Variants in DIP2C observed in about 807,000 individuals in gnomAD.
The protein encoded by DIP2C is DIP2 acetate--CoA ligase C (putative).
In DIP2C, 33 loss-of-function variants were observed where a neutral mutation model predicts 192.4. That is an observed-to-expected ratio of 0.17 (90% CI 0.13 to 0.23). The LOEUF is 0.23. DIP2C is among the 10% of genes least tolerant of loss of function. The probability of loss-of-function intolerance (pLI) is 1.00; values close to 1 mark genes in which losing one functional copy is unlikely to be tolerated. For missense variants in DIP2C, 1,537 were observed against 2,110.1 expected (o/e 0.73, Z 5.32); for synonymous variants, 979 against 864.1 (o/e 1.13, Z -2.33).
intron 10 of DIP2C, among the ~76,000 whole-genome samples, chr10:395,721 G>A (rs1474692713): frequency 6.6e-6 from 1 of 152,202 alleles, no homozygotes; most frequent in Non-Finnish European, 1.5e-5. Context: ...TCTGAGAGGG[G>A]TTTTGGTGCT....
In DIP2C at chr10:511,772, A is replaced by G. The variant is rs184752217; in HGVS notation, c.86-25242T>C. On this transcript the variant is annotated intron_variant, in intron 1 of 36. Coordinates refer to ENST00000280886, the MANE Select transcript of DIP2C (RefSeq NM_014974.3). ...AGGAGCTAGAGAGAGACACAGACACACCCACAACCGCTTAAAAATCCTGAA... is the reference window on the plus strand; with the variant it reads ...AGGAGCTAGAGAGAGACACAGACACGCCCACAACCGCTTAAAAATCCTGAA... 6.9e-4 allele frequency among the ~76,000 whole-genome samples: 105 copies of G among 152,304 alleles called. 1 individual carries two copies. The highest frequency in any genetic ancestry group is 2.2e-3 in the African/African-American group (91 of 41,558).
At chr10:397,292 G>A (rs1964062618) in intron 10 of DIP2C, among the ~76,000 whole-genome samples, 5 of 152,172 alleles carry the variant, frequency 3.3e-5, no homozygotes, top group Admixed American at 3.3e-4. Flanking sequence ...CCCTGTGGGA[G>A]GCCGAGGTGG....
At chr10:366,843 C>T (rs915102327) in intron 18 of DIP2C, among the ~76,000 whole-genome samples, 1 of 152,162 alleles carries the variant, frequency 6.6e-6, no homozygotes, top group African/African-American at 2.4e-5. Flanking sequence ...GCAAGGTGAG[C>T]CCTTCCGAGA....
rs1486998094 is a variant in DIP2C, at chr10:424,992, GAT to G, written c.395-1961_395-1960del. On this transcript the variant is annotated intron_variant, in intron 4 of 36. Transcript: ENST00000280886. The stretch of plus-strand genomic sequence containing the variant: ...CAGCAGTGACTAATACGACACGGAT[GAT>G]ACAGCATGACCAGCGGTGACTAATA... Among the ~76,000 whole-genome samples, 664 of 143,414 alleles carry G rather than the reference GAT, an allele frequency of 4.6e-3. 5 individuals are homozygous for G. The highest frequency in any genetic ancestry group is 0.016 in the African/African-American group (631 of 39,124). 94.1% of individuals were successfully genotyped at this position (143,414 alleles called of 152,430 possible). A position where few individuals can be genotyped will look rare whatever the true frequency, so the allele number is the denominator to read the frequency against.
At chr10:504,895 A>G (rs1386528861) in intron 1 of DIP2C, among the ~76,000 whole-genome samples, 1 of 152,146 alleles carries the variant, frequency 6.6e-6, no homozygotes, top group Admixed American at 6.5e-5. Context: ...CTCAGAGAAG[A>G]GGTGAGCTCT....
At chr10:676,573 A>G (rs1830885178) in intron 1 of DIP2C, among the ~76,000 whole-genome samples, 1 of 152,198 alleles carries the variant, frequency 6.6e-6, no homozygotes, top group Admixed American at 6.5e-5. Flanking sequence ...TACAGAATAC[A>G]AAATGAACAT....
intron 1 of DIP2C, among the ~76,000 whole-genome samples, chr10:496,522 A>G (rs916989065): frequency 4.2e-5 from 6 of 142,664 alleles, no homozygotes; most frequent in African/African-American, 1.1e-4. Flanking sequence ...AAATCTCTAC[A>G]TTACTCCCAA....
intron 36 of DIP2C, 109 bp from the exon 37 acceptor site, chr10:277,686 G>A (rs1054895865): frequency 4.7e-5 from 67 of 1,439,132 alleles, no homozygotes; most frequent in African/African-American, 5.7e-5. Context: ...AGCACTGCCC[G>A]ACAGTCTCCT....
intron 5 of DIP2C, among the ~76,000 whole-genome samples, chr10:421,268 C>T (rs1966164593): frequency 6.6e-6 from 1 of 152,218 alleles, no homozygotes; most frequent in Admixed American, 6.5e-5. Flanking sequence ...ATTCTTTGTA[C>T]TAAAACTTCC....
At chr10:485,253 G>A (rs945733033) in intron 2 of DIP2C, among the ~76,000 whole-genome samples, 1 of 152,232 alleles carries the variant, frequency 6.6e-6, no homozygotes, top group African/African-American at 2.4e-5. Context: ...GCACATGAGG[G>A]CACCTGCAGA....
At chr10:384,482 C>G in intron 15 of DIP2C, 64 bp downstream of exon 15, 1 of 1,526,038 alleles carries the variant, frequency 6.6e-7, no homozygotes, top group African/African-American at 1.4e-5. Flanking sequence ...AGGTGATCCA[C>G]CTGCTTTGGC....
chr10:317,567 C>A (rs1301785003), intron 31 of DIP2C, among the ~76,000 whole-genome samples: 1 of 152,212 alleles, frequency 6.6e-6, no homozygotes, highest in Non-Finnish European at 1.5e-5. Flanking sequence ...AACTCAGATT[C>A]TTGCTTTTTG....
Position 422,729 on chromosome 10 carries a change from C to A in DIP2C, c.604+95G>T, listed in dbSNP as rs953236305. On this transcript the variant is annotated intron_variant, in intron 5 of 36. Transcript: ENST00000280886. ...CCAGAGGAGCTCTGTGCTCTTTCCA[C>A]CGAGGGATTCCGCTGCAACGATGCA... 6 of 1,436,058 alleles carry A rather than the reference C, an allele frequency of 4.2e-6. No homozygotes were observed. The African/African-American group carries it at 5.6e-5, about 13-fold the overall frequency. 89.0% of individuals were successfully genotyped at this position (1,436,058 alleles called of 1,614,324 possible).
chr10:651,096 C>T lies in DIP2C; in HGVS notation c.85+38398G>A. ...TCTTGTCTCTCCCACACCTCCCAAA[C>T]TCTCTCCTGGCCAGCTCTCGCCACA... On this transcript the variant is annotated intron_variant, in intron 1 of 36. Transcript: ENST00000280886. This position sits in a 1 kb window ranked among gnomAD's most constrained non-coding sequence, Gnocchi z 4.1. The T allele has an allele frequency of 5.6e-6, 4 of 717,532 alleles. No homozygotes were observed. Among genetic ancestry groups the T allele is most frequent in the Non-Finnish European group, 1.0e-5 (4 of 385,108 alleles). The allele number at this position is 717,532 out of a possible 1,614,324, so 44.4% of individuals were successfully genotyped here.
chr10:461,406 C>T (rs1354846486), intron 3 of DIP2C, among the ~76,000 whole-genome samples: 3 of 152,276 alleles, frequency 2.0e-5, no homozygotes, highest in South Asian at 4.1e-4. Context: ...ATAAAACATA[C>T]TTTAAACCAA....
intron 2 of DIP2C, among the ~76,000 whole-genome samples, chr10:480,565 T>G (rs1588249925): frequency 6.6e-6 from 1 of 152,256 alleles, no homozygotes; most frequent in Non-Finnish European, 1.5e-5. Flanking sequence ...TTTCTGCACT[T>G]TGCTTACACC....
At chr10:600,081 G>A (rs1851957269) in intron 1 of DIP2C, among the ~76,000 whole-genome samples, 1 of 152,180 alleles carries the variant, frequency 6.6e-6, no homozygotes, top group South Asian at 2.1e-4. Flanking sequence ...AGGGGAAAGA[G>A]GAACCTGTAT....
chr10:603,007 T>C (rs1481026891), intron 1 of DIP2C, among the ~76,000 whole-genome samples: 1 of 151,912 alleles, frequency 6.6e-6, no homozygotes, highest in Non-Finnish European at 1.5e-5. Flanking sequence ...CCATAGAAAT[T>C]AGGCAAAGAA....
At chr10:675,363 T>C (rs1299894469) in intron 1 of DIP2C, among the ~76,000 whole-genome samples, 2 of 150,950 alleles carry the variant, frequency 1.3e-5, no homozygotes, top group Non-Finnish European at 3.0e-5. Context: ...AACCTAACAA[T>C]GAACTGCAAT....
Sources: gnomAD v4.1 joint callset for allele counts (sites outside exome capture counted in the v4.1 genomes callset) on GRCh38, gnomAD v4.1.1 for gene constraint, Gnocchi (gnomAD v3.1) non-coding constraint, MANE v1.5 for transcripts, NCBI Gene and HGNC (gene_info 2026-07-23, HGNC 2026-07-21) for gene names.